Variants in MROH2A observed in about 807,000 individuals in gnomAD.
MROH2A encodes the protein maestro heat like repeat family member 2A, also known as maestro heat-like repeat-containing protein family member 2A.
A neutral mutation model predicts 200.4 loss-of-function variants in MROH2A; 174 were observed. The ratio of observed to expected loss-of-function variants is 0.87; its 90% CI spans 0.77 to 0.98. The LOEUF (loss-of-function observed/expected upper bound fraction) is 0.98. Among genes scored for constraint, MROH2A ranks in the 50% least tolerant of loss-of-function variants. The pLI is 0.00. For missense variants in MROH2A, 2,045 were observed against 2,139.6 expected (o/e 0.96, Z 0.87); for synonymous variants, 829 against 840.4 (o/e 0.99, Z 0.23).
chr2:233,819,875 C>T (rs1436451728), intron 30 of MROH2A, 27 bp from the exon 31 acceptor site: 26 of 1,482,356 alleles, frequency 1.8e-5, no homozygotes, highest in Non-Finnish European at 2.3e-5. Flanking sequence ...CTGGGCTGCC[C>T]CCCGGTGATG....
Position 233,822,994 on chromosome 2 carries a change from T to C in MROH2A, c.3980T>C (p.Leu1327Pro), listed in dbSNP as rs999551202. 3.2e-6 allele frequency: 5 copies of C among 1,550,460 alleles called. No homozygotes were observed. The Admixed American group carries it at 9.8e-5, about 30-fold the overall frequency. Residue 1327 changes from leucine (L) to proline (P), a missense_variant, in exon 34 of 42, where the codon CTG becomes CCG. By Grantham distance (98) the Leu-to-Pro change is moderately conservative (BLOSUM62 -3). This residue lies in a region of MROH2A where 1,201 missense variants were observed against 1,311.3 expected (regional missense o/e 0.92). Transcript: ENST00000389758. ...WDLLQDGGTF[L>P]EGVSLLARLC... ...CTCCTGCAGGACGGCGGGACATTCC[T>C]GGAGGGTGTGAGCCTGCTGGCCAGG...
chr2:233,776,545 TAG>T (rs1700712585), upstream of MROH2A, among the ~76,000 whole-genome samples: 1 of 151,876 alleles, frequency 6.6e-6, no homozygotes, highest in Non-Finnish European at 1.5e-5. Context: ...TATTTTTTAG[TAG>T]AGACAGCGTT....
chr2:233,788,129 T>C (rs1385438776), intron 3 of MROH2A, among the ~76,000 whole-genome samples: 2 of 108,984 alleles, frequency 1.8e-5, no homozygotes, highest in East Asian at 4.6e-4. Flanking sequence ...TATACATATA[T>C]ATTTTATATA....
rs1245355562 is a variant in MROH2A at position 233,803,498 on chromosome 2, T to C, written c.1749+10T>C. On this transcript the variant is annotated intron_variant, in intron 16 of 41. Coordinates refer to ENST00000389758, the MANE Select transcript of MROH2A (RefSeq NM_001394639.1). Reference sequence around the variant, plus strand: ...GCTGGCCCGTCTCCTGGTGAGTGGCTGACCTGCACCATGCCCTGGCCTGGC... The same window carrying C: ...GCTGGCCCGTCTCCTGGTGAGTGGCCGACCTGCACCATGCCCTGGCCTGGC... The C allele has an allele frequency of 6.5e-7, 1 of 1,550,334 alleles. No homozygotes were observed. The highest frequency in any genetic ancestry group is 8.7e-7 in the Non-Finnish European group (1 of 1,146,946).
chr2:233,817,145 A>G (rs1429553564), intron 27 of MROH2A, among the ~76,000 whole-genome samples: 1 of 152,212 alleles, frequency 6.6e-6, no homozygotes, highest in Non-Finnish European at 1.5e-5. Context: ...AAAGATACAT[A>G]GTTATGAACC....
rs1704006138 is a variant in MROH2A, at chr2:233,822,419, GGACTTCCTCCCT to G, written c.3733_3744del (p.Phe1245_Asp1248del). 2 of 1,545,944 alleles carry G rather than the reference GGACTTCCTCCCT, an allele frequency of 1.3e-6. No individual in the cohort carries two copies. The highest frequency in any genetic ancestry group is 8.7e-7 in the Non-Finnish European group (1 of 1,145,056). On this transcript the variant is annotated inframe_deletion, in exon 33 of 42. Coordinates refer to ENST00000389758, the MANE Select transcript of MROH2A (RefSeq NM_001394639.1). Reference sequence around the variant, plus strand: ...AGCTGGATGAGAATGACAAGCTCCCGGACTTCCTCCCTGACCTCATCTACACCCTCCTGCTGC... The same window carrying G: ...AGCTGGATGAGAATGACAAGCTCCCGGACCTCATCTACACCCTCCTGCTGC...
At chr2:233,791,161 G>A (rs1463187340) in intron 5 of MROH2A, among the ~76,000 whole-genome samples, 1 of 152,202 alleles carries the variant, frequency 6.6e-6, no homozygotes, top group Non-Finnish European at 1.5e-5. Context: ...CCTTGGGGAC[G>A]TCACCTCGGG....
intron 11 of MROH2A, 111 bp from the exon 12 acceptor site, chr2:233,798,663 T>G: frequency 2.1e-5 from 16 of 756,470 alleles, no homozygotes; most frequent in Non-Finnish European, 3.2e-5. Context: ...AAAGTGCCCC[T>G]GAGCTTGGAG....
At chr2:233,813,041 G>T (rs1181070664) in intron 24 of MROH2A, among the ~76,000 whole-genome samples, 2 of 152,196 alleles carry the variant, frequency 1.3e-5, no homozygotes, top group African/African-American at 4.8e-5. Flanking sequence ...CTTGGACGTG[G>T]TCCCTGGGGG....
At position 233,807,638 on chromosome 2, in the gene MROH2A, G is replaced by T. The variant is rs1702886734; in HGVS notation, c.2173-95G>T. On this transcript the variant is annotated intron_variant, in intron 20 of 41. Transcript: ENST00000389758. This position sits in a 1 kb window ranked among gnomAD's most constrained non-coding sequence, Gnocchi z 4.3. Reference sequence around the variant, plus strand: ...GGCTGCATGCGTTTTGTGTGTGTGTGTGTACATGTGTGTGTGCCTTGCACG... The same window carrying T: ...GGCTGCATGCGTTTTGTGTGTGTGTTTGTACATGTGTGTGTGCCTTGCACG... The T allele has an allele frequency of 1.9e-6, 3 of 1,544,498 alleles. No individual in the cohort carries two copies. In the African/African-American group the frequency reaches 4.1e-5, roughly 21 times the overall value.
chr2:233,789,147 C>T (rs1701568450), intron 3 of MROH2A, among the ~76,000 whole-genome samples: 1 of 152,020 alleles, frequency 6.6e-6, no homozygotes, highest in African/African-American at 2.4e-5. Flanking sequence ...CCCACAGACT[C>T]CCTCAATAGG....
Position 233,832,058 on chromosome 2 carries a change from G to A in MROH2A, c.4735-119G>A, listed in dbSNP as rs117231532. 1.6e-3 allele frequency: 1,243 copies of A among 764,522 alleles called. 20 individuals carry two copies. The East Asian group carries it at 0.029, about 18-fold the overall frequency. The allele number at this position is 764,522 out of a possible 1,614,324, so 47.4% of individuals were successfully genotyped here. A position where few individuals can be genotyped will look rare whatever the true frequency, so the allele number is the denominator to read the frequency against. On this transcript the variant is annotated intron_variant, in intron 39 of 41. Coordinates refer to ENST00000389758, the MANE Select transcript of MROH2A (RefSeq NM_001394639.1). Reference sequence around the variant, plus strand: ...GCCAGCTACTCACCTGCTGTGTGACGCTGGGATGGGCGCTTGCCCTCTCTG... The same window carrying A: ...GCCAGCTACTCACCTGCTGTGTGACACTGGGATGGGCGCTTGCCCTCTCTG...
At chr2:233,806,574 A>C (rs1190464520) in intron 19 of MROH2A, among the ~76,000 whole-genome samples, 1 of 152,200 alleles carries the variant, frequency 6.6e-6, no homozygotes, top group Non-Finnish European at 1.5e-5. Context: ...AAAATCAAAG[A>C]AACACATCAC....
At position 233,804,114 on chromosome 2, in the gene MROH2A, AC is replaced by A; in HGVS notation, c.1816del (p.Leu606Ter). On this transcript the variant is annotated frameshift_variant, in exon 17 of 42. Coordinates refer to ENST00000389758, the MANE Select transcript of MROH2A (RefSeq NM_001394639.1). LOFTEE classifies it high-confidence loss of function. ...RGIAMLNLLR[T>X]LSQSIAPSMA... ...GATAGCCATGCTCAACCTCTTGAGGACCCTGAGCCAGAGCATCGCACCCTCC... is the reference window on the plus strand; with the variant it reads ...GATAGCCATGCTCAACCTCTTGAGGACCTGAGCCAGAGCATCGCACCCTCC... 1.9e-6 allele frequency: 3 copies of A among 1,550,532 alleles called. No homozygotes were observed. The highest frequency in any genetic ancestry group is 2.6e-6 in the Non-Finnish European group (3 of 1,146,992).
chr2:233,813,792 G>A lies in MROH2A; in HGVS notation c.2760+14G>A, dbSNP rs1703331635. 1 of 1,455,374 alleles carries A rather than the reference G, an allele frequency of 6.9e-7. No homozygotes were observed. Among genetic ancestry groups the A allele is most frequent in the Non-Finnish European group, 9.4e-7 (1 of 1,061,690 alleles). The allele number at this position is 1,455,374 out of a possible 1,614,324, so 90.2% of individuals were successfully genotyped here. ...GAGTCCATTAAGGTAGGTCCCTCTG[G>A]GATGCCTCATTTGCTGGGTCAGGAC... On this transcript the variant is annotated intron_variant, in intron 25 of 41. Coordinates refer to ENST00000389758, the MANE Select transcript of MROH2A (RefSeq NM_001394639.1).
intron 15 of MROH2A, 69 bp downstream of exon 15, chr2:233,802,384 C>G: frequency 6.8e-7 from 1 of 1,468,520 alleles, no homozygotes. Context: ...GGAATGCCCA[C>G]CCCTCTCCAC....
intron 3 of MROH2A, among the ~76,000 whole-genome samples, chr2:233,788,038 T>C (rs1303507093): frequency 3.7e-5 from 3 of 80,966 alleles, no homozygotes; most frequent in South Asian, 3.3e-4. Flanking sequence ...ATTATATATA[T>C]ACATATATAT....
At position 233,831,510 on chromosome 2, in the gene MROH2A, C is replaced by G. The variant is rs1020108931; in HGVS notation, c.4704C>G (p.Thr1568=). ...PSDTATDDKM[T]VFQTTMCSIL... ...ATACCGCTACTGATGACAAGATGAC[C>G]GTTTTCCAGACAACCATGTGCTCCA... Residue 1568 remains threonine, a synonymous_variant, in exon 39 of 42, where the codon ACC becomes ACG. Transcript: ENST00000389758. 1.9e-6 allele frequency: 3 copies of G among 1,550,276 alleles called. No homozygotes were observed. Among genetic ancestry groups the G allele is most frequent in the Non-Finnish European group, 2.6e-6 (3 of 1,146,932 alleles).
At chr2:233,776,625 A>G (rs1269972210), upstream of MROH2A, among the ~76,000 whole-genome samples, 4 of 152,098 alleles carry the variant, frequency 2.6e-5, no homozygotes, top group African/African-American at 9.7e-5. Flanking sequence ...CCTTGGTCTC[A>G]CTGTCTTCAT....
Sources: allele counts gnomAD v4.1 joint callset (sites outside exome capture counted in the v4.1 genomes callset), GRCh38; gene constraint gnomAD v4.1.1; regional missense constraint gnomAD v4.1.1; non-coding constraint Gnocchi (gnomAD v3.1); transcripts MANE v1.5; gene names NCBI Gene and HGNC (gene_info 2026-07-23, HGNC 2026-07-21).